MAP7D1: variants seen among roughly 807,000 people sequenced by gnomAD.
MAP7D1 encodes the protein MAP7 domain containing 1, also known as MAP7 domain-containing protein 1.
Under a neutral mutation model 97.5 loss-of-function variants are expected in MAP7D1, and 30 were observed. The ratio of observed to expected loss-of-function variants is 0.31; its 90% CI spans 0.23 to 0.42. MAP7D1 has a LOEUF of 0.42. MAP7D1 is among the 10% of genes least tolerant of loss of function. The probability of loss-of-function intolerance (pLI) is 1.00; values close to 1 mark genes in which losing one functional copy is unlikely to be tolerated. For synonymous variants in MAP7D1, 536 were observed against 477.1 expected (o/e 1.12, Z -1.61); for missense variants, 1,184 against 1,179.5 (o/e 1.00, Z -0.06).
In MAP7D1 at chr1:36,174,999, C is replaced by T. The variant is rs759027694; in HGVS notation, c.841C>T (p.Pro281Ser). 1 of 1,611,960 alleles carries T rather than the reference C, an allele frequency of 6.2e-7. No individual in the cohort carries two copies. The highest frequency in any genetic ancestry group is 2.2e-5 in the East Asian group (1 of 44,826). Residue 281 changes from proline to serine, a missense_variant, in exon 6 of 17, where the codon CCC (proline) becomes TCC (serine). Coordinates refer to ENST00000474796, the MANE Select transcript of MAP7D1 (RefSeq NM_001388490.1). ...GTCCTCTGCCACGCTCTGGAACTCC[C>T]CCAGTAGAAGTAAGAGAAGGCCCAG... ...SKSSATLWNS[P>S]SRNRSLQLSA...
rs749466891 is a variant in MAP7D1, at chr1:36,176,884, C to T, written c.1379+42C>T. 1.6e-5 allele frequency: 24 copies of T among 1,485,902 alleles called. No individual in the cohort carries two copies. In the South Asian group the frequency reaches 2.9e-4, roughly 18 times the overall value. The allele number at this position is 1,485,902 out of a possible 1,614,324, so 92.0% of individuals were successfully genotyped here. A position where few individuals can be genotyped will look rare whatever the true frequency, so the allele number is the denominator to read the frequency against. On this transcript the variant is annotated intron_variant, in intron 8 of 16. Coordinates refer to ENST00000474796, the MANE Select transcript of MAP7D1 (RefSeq NM_001388490.1). The surrounding 1 kb of genome is among the most constrained non-coding windows in gnomAD (Gnocchi z 6.1). ...CGAGGGACCCTGCCCCTCACCGGGT[C>T]ATTTATTCATCACCCACAAATATTT...
rs946434507 is a variant in MAP7D1 at position 36,156,160 on chromosome 1, G to A, written c.-258G>A. Reference sequence around the variant, plus strand: ...GGCCCAGCCCGGGCGGTACAATAGGGTTGGGCCGAGGCCGGGACTGGGCCG... The same window carrying A: ...GGCCCAGCCCGGGCGGTACAATAGGATTGGGCCGAGGCCGGGACTGGGCCG... On this transcript the variant is annotated 5_prime_UTR_variant, in exon 1 of 17. Transcript: ENST00000474796. The A allele has an allele frequency of 2.4e-6, 1 of 408,620 alleles. No homozygotes were observed. The highest frequency in any genetic ancestry group is 2.1e-5 in the African/African-American group (1 of 47,762). 25.3% of individuals were successfully genotyped at this position (408,620 alleles called of 1,614,324 possible). A position where few individuals can be genotyped will look rare whatever the true frequency, so the allele number is the denominator to read the frequency against.
At chr1:36,174,859 C>CT in intron 5 of MAP7D1, 39 bp from the exon 6 acceptor site, 12 of 1,343,134 alleles carry the variant, frequency 8.9e-6, no homozygotes, top group Non-Finnish European at 1.3e-5. Context: ...CTGGCTCCTG[C>CT]CGGGCCCGGC....
At chr1:36,178,247 G>A (rs1644659790) in intron 9 of MAP7D1, 46 bp downstream of exon 9, 4 of 1,497,012 alleles carry the variant, frequency 2.7e-6, no homozygotes, top group Non-Finnish European at 2.7e-6. Flanking sequence ...AGAGAAGCCA[G>A]CTTCTCCTGT....
chr1:36,160,654 A>T (rs1208638584), intron 1 of MAP7D1, among the ~76,000 whole-genome samples: 1 of 152,208 alleles, frequency 6.6e-6, no homozygotes, highest in East Asian at 1.9e-4. Context: ...AATCTGTCTG[A>T]CTCTGAAGTC....
rs766130504 is a variant in MAP7D1 at position 36,171,164 on chromosome 1, C to A, written c.240C>A (p.Ala80=). Residue 80 remains alanine, a synonymous_variant, in exon 2 of 17, where the codon GCC becomes GCA. Coordinates refer to ENST00000474796, the MANE Select transcript of MAP7D1 (RefSeq NM_001388490.1). Reference sequence around the variant, plus strand: ...CAGGGCAGGTCGGGCCTAGGCCAGCCCCCCCGCAGGAAGAGTCCCCTTCCT... The same window carrying A: ...CAGGGCAGGTCGGGCCTAGGCCAGCACCCCCGCAGGAAGAGTCCCCTTCCT... ...SPSGQVGPRP[A]PPQEESPSSE... 18 of 1,613,862 alleles carry A rather than the reference C, an allele frequency of 1.1e-5. No individual in the cohort carries two copies. The highest frequency in any genetic ancestry group is 1.7e-5 in the Admixed American group (1 of 59,980).
Position 36,172,542 on chromosome 1 carries a change from G to A in MAP7D1, c.539G>A (p.Arg180His), listed in dbSNP as rs535970704. The A allele has an allele frequency of 1.9e-5, 30 of 1,602,896 alleles. No homozygotes were observed. In the South Asian group the frequency reaches 1.9e-4, roughly 10 times the overall value. ...GAGAAGCAGCTCCAGGAGCGCCGGC[G>A]CCGGCTGGAGGAGCAACGTCTTAAA... ...LREKQLQERR[R>H]RLEEQRLKAE... is the part of the protein sequence containing the mutation. The change falls in exon 4 of 17, where the codon CGC becomes CAC. Residue 180 changes from arginine to histidine, a missense_variant. Transcript: ENST00000474796.
chr1:36,156,345 G>A lies in MAP7D1; in HGVS notation c.-73G>A. 7.7e-7 allele frequency: 1 copy of A among 1,303,850 alleles called. No homozygotes were observed. The highest frequency in any genetic ancestry group is 1.5e-5 in the South Asian group (1 of 68,926). 80.8% of individuals were successfully genotyped at this position (1,303,850 alleles called of 1,614,324 possible). On this transcript the variant is annotated 5_prime_UTR_variant, in exon 1 of 17. Coordinates refer to ENST00000474796, the MANE Select transcript of MAP7D1 (RefSeq NM_001388490.1). ...CCGGGCCGGGCGTGATGCGCCGCGGGACCCCTGTCCTGGCCACTGGCCGCC... is the reference window on the plus strand; with the variant it reads ...CCGGGCCGGGCGTGATGCGCCGCGGAACCCCTGTCCTGGCCACTGGCCGCC...
intron 1 of MAP7D1, among the ~76,000 whole-genome samples, chr1:36,164,116 G>A (rs765139401): frequency 1.3e-5 from 2 of 151,072 alleles, no homozygotes; most frequent in Non-Finnish European, 3.0e-5. Context: ...GAGCCACTGC[G>A]CCCAGCCTAG....
chr1:36,178,261 G>A, intron 9 of MAP7D1, 60 bp downstream of exon 9: 1 of 1,489,208 alleles, frequency 6.7e-7, no homozygotes, highest in Non-Finnish European at 9.0e-7. Context: ...CTCCTGTGTG[G>A]GGGTGTGGGC....
rs763348462 is a variant in MAP7D1, at chr1:36,180,081, T to C, written c.2512+14T>C. 9 of 1,612,858 alleles carry C rather than the reference T, an allele frequency of 5.6e-6. No individual in the cohort carries two copies. Among genetic ancestry groups the C allele is most frequent in the Non-Finnish European group, 6.8e-6 (8 of 1,179,262 alleles). ...CGCAGGTCACAGGTAGATCTCCTGA[T>C]TCCTGGACCCAGCTCCATTCCTCCC... On this transcript the variant is annotated intron_variant, in intron 16 of 16. Coordinates refer to ENST00000474796, the MANE Select transcript of MAP7D1 (RefSeq NM_001388490.1).
intron 1 of MAP7D1, among the ~76,000 whole-genome samples, chr1:36,160,971 C>T (rs1290696628): frequency 6.6e-6 from 1 of 152,232 alleles, no homozygotes; most frequent in East Asian, 1.9e-4. Flanking sequence ...TGGGCAACAG[C>T]CTGGGCAGCC....
At position 36,176,475 on chromosome 1, in the gene MAP7D1, C is replaced by T. The variant is rs772883250; in HGVS notation, c.1127C>T (p.Thr376Ile). Reference protein sequence around the residue: ...SASPLTPCSVTRSVHRCAPAG... With the variant: ...SASPLTPCSVIRSVHRCAPAG... The stretch of plus-strand genomic sequence containing the variant: ...AGCCCCCTGACGCCGTGCAGCGTCA[C>T]CCGAAGCGTGCACCGCTGCGCCCCC... The change falls in exon 7 of 17, where the codon ACC (threonine) becomes ATC (isoleucine). Residue 376 changes from threonine (T) to isoleucine (I), a missense_variant. By Grantham distance (89) the Thr-to-Ile change is moderately conservative. Coordinates refer to ENST00000474796, the MANE Select transcript of MAP7D1 (RefSeq NM_001388490.1). The surrounding 1 kb of genome is among the most constrained non-coding windows in gnomAD (Gnocchi z 6.1). The T allele has an allele frequency of 3.4e-6, 5 of 1,461,606 alleles. No homozygotes were observed. The highest frequency in any genetic ancestry group is 4.5e-6 in the Non-Finnish European group (5 of 1,111,720). 90.5% of individuals were successfully genotyped at this position (1,461,606 alleles called of 1,614,324 possible).
Position 36,178,839 on chromosome 1 carries a change from G to T in MAP7D1, c.2025+16G>T. On this transcript the variant is annotated intron_variant, in intron 11 of 16. Coordinates refer to ENST00000474796, the MANE Select transcript of MAP7D1 (RefSeq NM_001388490.1). The stretch of plus-strand genomic sequence containing the variant: ...GCAGAAGCAGGTGCCCCCGGCGGGC[G>T]GGAAGCGGCTGGGCGCGGGCGCCGC... 1 of 1,545,318 alleles carries T rather than the reference G, an allele frequency of 6.5e-7. No individual in the cohort carries two copies. Among genetic ancestry groups the T allele is most frequent in the South Asian group, 1.2e-5 (1 of 83,794 alleles).
At chr1:36,167,155 G>A (rs1570138558) in intron 1 of MAP7D1, among the ~76,000 whole-genome samples, 1 of 152,106 alleles carries the variant, frequency 6.6e-6, no homozygotes, top group Non-Finnish European at 1.5e-5. Flanking sequence ...GAGTGCGTGT[G>A]GATAGAAAAT....
rs760718800 is a variant in MAP7D1 at position 36,179,971 on chromosome 1, G to A, written c.2416G>A (p.Asp806Asn). ...NGFSTNGPSG[D>N]KSLSRTPETL... ...CTTCTCCACCAACGGACCCTCTGGGGACAAGAGTCTGAGCCGAACACCAGA... is the reference window on the plus strand; with the variant it reads ...CTTCTCCACCAACGGACCCTCTGGGAACAAGAGTCTGAGCCGAACACCAGA... The change falls in exon 16 of 17, where the codon GAC becomes AAC. Residue 806 changes from aspartate (D) to asparagine (N), a missense_variant. Physicochemically the swap from Asp to Asn is conservative, Grantham distance 23. Transcript: ENST00000474796. 6.2e-7 allele frequency: 1 copy of A among 1,614,096 alleles called. No homozygotes were observed. Among genetic ancestry groups the A allele is most frequent in the African/African-American group, 1.3e-5 (1 of 74,942 alleles).
intron 8 of MAP7D1, 136 bp from the exon 9 acceptor site, chr1:36,177,737 G>A: frequency 7.8e-7 from 1 of 1,282,940 alleles, no homozygotes; most frequent in Non-Finnish European, 1.0e-6. Flanking sequence ...GGAATGGTGT[G>A]TTTCTGTGAG....
intron 1 of MAP7D1, among the ~76,000 whole-genome samples, chr1:36,160,136 G>A (rs1436143113): frequency 6.6e-6 from 1 of 152,206 alleles, no homozygotes; most frequent in Non-Finnish European, 1.5e-5. Flanking sequence ...AGGGCAGCTG[G>A]GACCCATGTC....
rs545084133 is a variant in MAP7D1 at position 36,174,628 on chromosome 1, G to A, written c.740-270G>A. Among the ~76,000 whole-genome samples the A allele has an allele frequency of 1.2e-4, 19 of 152,232 alleles. 1 individual carries two copies. In the South Asian group the frequency reaches 3.9e-3, roughly 32 times the overall value. On this transcript the variant is annotated intron_variant, in intron 5 of 16. Transcript: ENST00000474796. ...TCAGCCGTAAGGAATGGCTTCCTTG[G>A]TCTGGCCAGGAAAGCTGTAGTTTCT...
Sources: gnomAD v4.1 joint callset for allele counts (sites outside exome capture counted in the v4.1 genomes callset) on GRCh38, gnomAD v4.1.1 for gene constraint, Gnocchi (gnomAD v3.1) non-coding constraint, MANE v1.5 for transcripts, NCBI Gene and HGNC (gene_info 2026-07-23, HGNC 2026-07-21) for gene names.